Variants in MYRFL observed in about 807,000 individuals in gnomAD.
The protein encoded by MYRFL is myelin regulatory factor like.
A neutral mutation model predicts 109.4 loss-of-function variants in MYRFL; 88 were observed. The ratio of observed to expected loss-of-function variants is 0.80; its 90% confidence interval spans 0.68 to 0.96. The LOEUF (loss-of-function observed/expected upper bound fraction) is 0.96, where lower values mean the gene tolerates loss of function less well. Among genes scored for constraint, MYRFL ranks in the 40% least tolerant of loss-of-function variants. The pLI, the probability that MYRFL is intolerant of heterozygous loss-of-function variation, is 0.00. For missense variants in MYRFL, 957 were observed against 954.9 expected (o/e 1.00, Z -0.03); for synonymous variants, 324 against 320.9 (o/e 1.01, Z -0.10).
chr12:69,958,218 C>T (rs1423152732), intron 23 of MYRFL, 31 bp from the exon 24 acceptor site: 25 of 1,502,206 alleles, frequency 1.7e-5, no homozygotes, highest in South Asian at 4.9e-5. Flanking sequence ...AATGCGTGTA[C>T]GAAATGGATC....
intron 13 of MYRFL, among the ~76,000 whole-genome samples, chr12:69,913,971 C>A (rs1954656723): frequency 6.6e-6 from 1 of 152,132 alleles, no homozygotes; most frequent in Non-Finnish European, 1.5e-5. Flanking sequence ...TCTTTAATTT[C>A]TTTCAGCAAT....
chr12:69,893,485 A>G (rs548791026), intron 7 of MYRFL, among the ~76,000 whole-genome samples: 1 of 152,332 alleles, frequency 6.6e-6, no homozygotes, highest in African/African-American at 2.4e-5. Context: ...CTGATGTTTC[A>G]GCCATCTTCC....
intron 19 of MYRFL, 38 bp from the exon 20 acceptor site, chr12:69,952,075 A>G: frequency 2.6e-6 from 4 of 1,529,880 alleles, no homozygotes; most frequent in Non-Finnish European, 3.5e-6. Context: ...CTTCTCCTGA[A>G]CAAGCCTTCA....
At chr12:69,883,522 A>G (rs926986820) in intron 5 of MYRFL, among the ~76,000 whole-genome samples, 1 of 152,150 alleles carries the variant, frequency 6.6e-6, no homozygotes, top group Non-Finnish European at 1.5e-5. Context: ...AAGCACTGCC[A>G]TTTGCAACAC....
Position 69,886,885 on chromosome 12 carries a change from A to G in MYRFL, c.622A>G (p.Thr208Ala), listed in dbSNP as rs763497041. ...PDSEGQNRMPTDQCSPALKWQ... is the reference protein window; with the variant it reads ...PDSEGQNRMPADQCSPALKWQ... ...CAGTGAGGGACAGAACAGAATGCCTACAGACCAGTGCTCTCCTGCTCTGAA... is the reference window on the plus strand; with the variant it reads ...CAGTGAGGGACAGAACAGAATGCCTGCAGACCAGTGCTCTCCTGCTCTGAA... The change falls in exon 6 of 25, where the codon ACA (threonine) becomes GCA (alanine). Residue 208 changes from threonine (T) to alanine (A), a missense_variant. Coordinates refer to ENST00000552032, the MANE Select transcript of MYRFL (RefSeq NM_182530.3). 2 of 1,535,792 alleles carry G rather than the reference A, an allele frequency of 1.3e-6. No homozygotes were observed. The highest frequency in any genetic ancestry group is 1.2e-5 in the South Asian group (1 of 84,054).
intron 11 of MYRFL, among the ~76,000 whole-genome samples, chr12:69,905,826 C>G (rs1954339611): frequency 6.6e-6 from 1 of 152,120 alleles, no homozygotes; most frequent in East Asian, 1.9e-4. Context: ...CTGTCCCAGT[C>G]CACTGTTTAT....
intron 2 of MYRFL, 70 bp from the exon 3 acceptor site, chr12:69,878,958 C>T (rs1175279915): frequency 7.1e-6 from 5 of 702,232 alleles, no homozygotes; most frequent in East Asian, 5.4e-5. Flanking sequence ...TGAGGGTTGT[C>T]TCCCATTTGT....
At chr12:69,891,635 C>CTT (rs61590415) in intron 7 of MYRFL, among the ~76,000 whole-genome samples, 1 of 12,440 alleles carries the variant, frequency 8.0e-5, no homozygotes, top group Admixed American at 7.3e-4. Context: ...TCCTTCCTTT[C>CTT]TTTTTCTTTC....
At chr12:69,826,828 T>C (rs181260902) in intron 1 of MYRFL, among the ~76,000 whole-genome samples, 2 of 152,260 alleles carry the variant, frequency 1.3e-5, no homozygotes, top group Non-Finnish European at 2.9e-5. Context: ...CAGCTAATTG[T>C]CAATTTTTTC....
intron 12 of MYRFL, 92 bp downstream of exon 12, chr12:69,910,169 G>C: frequency 1.2e-6 from 1 of 820,212 alleles, no homozygotes; most frequent in Non-Finnish European, 1.9e-6. Context: ...TATGGCATTT[G>C]ACAACGCTAT....
At chr12:69,864,386 T>G (rs1884884133) in intron 2 of MYRFL, among the ~76,000 whole-genome samples, 2 of 152,102 alleles carry the variant, frequency 1.3e-5, no homozygotes, top group Non-Finnish European at 2.9e-5. Flanking sequence ...TCTATTGATT[T>G]GACTTTAAGT....
chr12:69,903,564 G>A (rs1954257303), intron 10 of MYRFL, 80 bp from the exon 11 acceptor site: 1 of 1,354,424 alleles, frequency 7.4e-7, no homozygotes, highest in Admixed American at 2.1e-5. Context: ...TATTCAGTTT[G>A]CCTTTGCTCT....
intron 2 of MYRFL, among the ~76,000 whole-genome samples, chr12:69,871,956 T>C (rs1387823964): frequency 6.6e-6 from 1 of 151,796 alleles, no homozygotes; most frequent in Admixed American, 6.6e-5. Flanking sequence ...GTTCTCCCCA[T>C]TGTGTTCTAT....
intron 19 of MYRFL, among the ~76,000 whole-genome samples, chr12:69,945,192 T>A (rs949659128): frequency 6.6e-6 from 1 of 152,140 alleles, no homozygotes; most frequent in Non-Finnish European, 1.5e-5. Flanking sequence ...AAGAAAATTT[T>A]AAAAATAAAT....
intron 19 of MYRFL, among the ~76,000 whole-genome samples, 165 bp downstream of exon 19, chr12:69,936,797 A>G (rs541338945): frequency 4.5e-4 from 68 of 152,376 alleles, no homozygotes; most frequent in Admixed American, 1.4e-3. Context: ...AATCATCTGT[A>G]ATATTGAGTT....
chr12:69,923,016 T>C (rs779385808), intron 13 of MYRFL, among the ~76,000 whole-genome samples: 40 of 152,186 alleles, frequency 2.6e-4, no homozygotes, highest in Middle Eastern at 3.4e-3. Flanking sequence ...TTACAAGATT[T>C]AAAAAAAATG....
At chr12:69,863,833 T>A (rs1388122137) in intron 2 of MYRFL, among the ~76,000 whole-genome samples, 2 of 152,214 alleles carry the variant, frequency 1.3e-5, no homozygotes, top group Non-Finnish European at 2.9e-5. Flanking sequence ...TAGAGCAGAT[T>A]TGTTGGTGAT....
intron 19 of MYRFL, among the ~76,000 whole-genome samples, chr12:69,938,802 G>A (rs151181873): frequency 0.032 from 4,934 of 152,242 alleles, 261 homozygotes; most frequent in African/African-American, 0.11. Context: ...TCACTAGGGA[G>A]TGCCAGACAG....
At chr12:69,947,115 G>A (rs1040575099) in intron 19 of MYRFL, 2 of 152,056 alleles carry the variant, frequency 1.3e-5, no homozygotes, top group Non-Finnish European at 2.9e-5. Flanking sequence ...GAGAAGTCTA[G>A]GAAAGTATTC....
Sources: gnomAD v4.1 joint callset for allele counts (sites outside exome capture counted in the v4.1 genomes callset) on GRCh38, gnomAD v4.1.1 for gene constraint, MANE v1.5 for transcripts, NCBI Gene and HGNC (gene_info 2026-07-23, HGNC 2026-07-21) for gene names.